The following ASCC3 variants were observed in gnomAD, a reference collection of about 807,000 sequenced individuals.
ASCC3 encodes the protein ASC-1 complex subunit P200.
A neutral mutation model predicts 256.3 loss-of-function variants in ASCC3; 158 were observed. That is an observed-to-expected ratio of 0.62 (90% CI 0.54 to 0.70). ASCC3 has a LOEUF of 0.70. ASCC3 is among the 30% of genes least tolerant of loss of function. The probability of loss-of-function intolerance (pLI) is 0.00; values close to 1 mark genes in which losing one functional copy is unlikely to be tolerated. For missense variants in ASCC3, 2,259 were observed against 2,626.0 expected (o/e 0.86, Z 3.05); for synonymous variants, 948 against 883.4 (o/e 1.07, Z -1.30).
chr6:100,867,129 TGAA>T (rs1773519346), intron 2 of ASCC3, among the ~76,000 whole-genome samples: 1 of 152,210 alleles, frequency 6.6e-6, no homozygotes. Context: ...GGAAAGACAC[TGAA>T]GAAGTTCCTT....
intron 36 of ASCC3, among the ~76,000 whole-genome samples, chr6:100,581,977 G>A (rs1771304391): frequency 6.6e-6 from 1 of 152,060 alleles, no homozygotes; most frequent in African/African-American, 2.4e-5. Context: ...TGCTGTTTTG[G>A]TTACTGTAGC....
intron 4 of ASCC3, among the ~76,000 whole-genome samples, chr6:100,837,458 C>T (rs1035131851): frequency 3.9e-5 from 6 of 152,016 alleles, no homozygotes; most frequent in African/African-American, 1.4e-4. Flanking sequence ...CAGTACTATT[C>T]ACAACAGCCA....
chr6:100,761,755 C>T (rs1026573678), intron 10 of ASCC3, among the ~76,000 whole-genome samples: 3 of 152,126 alleles, frequency 2.0e-5, no homozygotes, highest in African/African-American at 7.2e-5. Context: ...AGAGCTGGGA[C>T]TCAGAGCTAG....
chr6:100,701,870 C>A (rs1167255652), intron 13 of ASCC3, among the ~76,000 whole-genome samples: 1 of 151,722 alleles, frequency 6.6e-6, no homozygotes, highest in African/African-American at 2.4e-5. Flanking sequence ...ACAATTTGTA[C>A]AAAAGCCCCA....
intron 37 of ASCC3, chr6:100,530,985 T>C: frequency 6.3e-7 from 1 of 1,588,974 alleles, no homozygotes; most frequent in Admixed American, 1.7e-5. Flanking sequence ...GCATGGCCTG[T>C]TCTTATTGAT....
At chr6:100,542,835 G>A (rs1308266131) in intron 36 of ASCC3, among the ~76,000 whole-genome samples, 1 of 151,336 alleles carries the variant, frequency 6.6e-6, no homozygotes, top group African/African-American at 2.4e-5. Context: ...CATTGTTCAG[G>A]CAGAAGACAA....
intron 36 of ASCC3, among the ~76,000 whole-genome samples, chr6:100,584,045 G>GA (rs879641507): frequency 6.6e-6 from 1 of 151,800 alleles, no homozygotes; most frequent in Admixed American, 6.6e-5. Context: ...GTGTGGTGCT[G>GA]AAAAAAATGT....
At chr6:100,709,467 A>C (rs1392283528) in intron 13 of ASCC3, among the ~76,000 whole-genome samples, 1 of 152,140 alleles carries the variant, frequency 6.6e-6, no homozygotes, top group African/African-American at 2.4e-5. Flanking sequence ...TAGCTCTGTG[A>C]CCTTGGGAAG....
intron 14 of ASCC3, among the ~76,000 whole-genome samples, chr6:100,668,794 AAG>A (rs1776601178): frequency 1.3e-5 from 2 of 151,912 alleles, no homozygotes; most frequent in South Asian, 4.1e-4. Context: ...TCAAAAAAGA[AAG>A]AACATTATGA....
chr6:100,846,298 G>T (rs947750567), intron 4 of ASCC3, among the ~76,000 whole-genome samples: 2 of 152,088 alleles, frequency 1.3e-5, no homozygotes, highest in African/African-American at 4.8e-5. Flanking sequence ...TAACAGCAAA[G>T]AATTGTATCT....
At chr6:100,857,098 A>G (rs1284992681) in intron 3 of ASCC3, 3 of 152,140 alleles carry the variant, frequency 2.0e-5, no homozygotes, top group Non-Finnish European at 2.9e-5. Flanking sequence ...AACAATAGGT[A>G]TGTCAGTCTT....
intron 24 of ASCC3, among the ~76,000 whole-genome samples, chr6:100,639,294 A>G (rs73502904): frequency 9.0e-4 from 137 of 152,324 alleles, no homozygotes; most frequent in African/African-American, 3.2e-3. Context: ...ATTTAGGGTA[A>G]TTCCAGGTAG....
chr6:100,718,313 A>C (rs1409725991), intron 11 of ASCC3, 62 bp from the exon 12 acceptor site: 2 of 1,399,418 alleles, frequency 1.4e-6, no homozygotes, highest in East Asian at 4.9e-5. Flanking sequence ...AAAACATTAT[A>C]ATTTGTCCTA....
chr6:100,749,843 T>C (rs1343746029), intron 10 of ASCC3, among the ~76,000 whole-genome samples: 2 of 151,650 alleles, frequency 1.3e-5, no homozygotes, highest in African/African-American at 2.4e-5. Flanking sequence ...CTAGTACTGA[T>C]ATATAGAAAT....
At chr6:100,677,449 T>A (rs1777082814) in intron 14 of ASCC3, among the ~76,000 whole-genome samples, 1 of 151,994 alleles carries the variant, frequency 6.6e-6, no homozygotes. Context: ...GACTTTGGAG[T>A]CAGACTGGCT....
chr6:100,642,107 C>T (rs1051057766), intron 24 of ASCC3, among the ~76,000 whole-genome samples: 6 of 149,504 alleles, frequency 4.0e-5, no homozygotes, highest in East Asian at 2.0e-4. Flanking sequence ...GGCACATGTA[C>T]ACATATGTAA....
chr6:100,698,579 T>C (rs1238654933), intron 13 of ASCC3, among the ~76,000 whole-genome samples: 1 of 152,082 alleles, frequency 6.6e-6, no homozygotes, highest in South Asian at 2.1e-4. Context: ...AATAGTGAAG[T>C]TGGATGGACA....
chr6:100,579,503 T>C (rs1771079050), intron 36 of ASCC3, among the ~76,000 whole-genome samples: 1 of 152,172 alleles, frequency 6.6e-6, no homozygotes, highest in African/African-American at 2.4e-5. Context: ...TCAATCCATC[T>C]TGACTTGACT....
chr6:100,734,093 A>T (rs1026950094), intron 10 of ASCC3, among the ~76,000 whole-genome samples: 2 of 152,042 alleles, frequency 1.3e-5, no homozygotes, highest in African/African-American at 4.8e-5. Flanking sequence ...TGTTCTGTTT[A>T]TTTGGGCCTA....
Sources: allele counts gnomAD v4.1 joint callset (sites outside exome capture counted in the v4.1 genomes callset), GRCh38; gene constraint gnomAD v4.1.1; transcripts MANE v1.5; gene names NCBI Gene and HGNC (gene_info 2026-07-23, HGNC 2026-07-21).